Variants in AP1M1 observed in about 807,000 individuals in gnomAD.
The protein encoded by AP1M1 is adaptor related protein complex 1 subunit mu 1, also known as AP-1 complex subunit mu-1.
In AP1M1, 18 loss-of-function variants were observed where a neutral mutation model predicts 57.1. That is an observed-to-expected ratio of 0.32 (90% confidence interval 0.22 to 0.47). AP1M1 has a LOEUF of 0.47. AP1M1 is among the 20% of genes least tolerant of loss of function. AP1M1 has a pLI of 1.00. For synonymous variants in AP1M1, 241 were observed against 237.9 expected, an observed-to-expected ratio of 1.01 and a Z score of -0.12; for missense variants, 362 against 593.5, an observed-to-expected ratio of 0.61 and a Z score of 4.05.
In AP1M1 at chr19:16,244,772, G is replaced by A. The variant is rs1251137014; in HGVS notation, c.*10337G>A. 3.9e-5 allele frequency: 6 copies of A among 151,982 alleles called. No homozygotes were observed. The highest frequency in any genetic ancestry group is 1.5e-4 in the African/African-American group (6 of 41,328). The allele number at this position is 151,982 out of a possible 1,614,324, so 9.4% of individuals were successfully genotyped here. ...GTGAACCCGGGAAGCGGAGCTTGCA[G>A]TGAGCCGAGATTGCGCCACTGCAGT... is the stretch of plus-strand genomic sequence containing the variant. On this transcript the variant is annotated 3_prime_UTR_variant, in exon 12 of 12. Coordinates refer to ENST00000291439, the MANE Select transcript of AP1M1 (RefSeq NM_032493.4).
At chr19:16,219,955 T>C (rs2091536157) in intron 5 of AP1M1, among the ~76,000 whole-genome samples, 1 of 149,274 alleles carries the variant, frequency 6.7e-6, no homozygotes, top group Non-Finnish European at 1.5e-5. Flanking sequence ...GGATTTCCTT[T>C]GCTGGTATTT....
chr19:16,239,901 G>A lies in AP1M1; in HGVS notation c.*5466G>A, dbSNP rs1342879691. On this transcript the variant is annotated 3_prime_UTR_variant, in exon 12 of 12. Transcript: ENST00000291439. ...AGGCAGTTACCCGGGACATAGCACA[G>A]CTAATGAGACATATATATATTTACA... 6.6e-6 allele frequency: 1 copy of A among 152,122 alleles called. No homozygotes were observed. The highest frequency in any genetic ancestry group is 1.5e-5 in the Non-Finnish European group (1 of 68,028). The allele number at this position is 152,122 out of a possible 1,614,324, so 9.4% of individuals were successfully genotyped here. A position where few individuals can be genotyped will look rare whatever the true frequency, so the allele number is the denominator to read the frequency against.
intron 9 of AP1M1, among the ~76,000 whole-genome samples, chr19:16,231,718 A>C (rs2091599423): frequency 6.6e-6 from 1 of 152,206 alleles, no homozygotes; most frequent in Admixed American, 6.5e-5. Context: ...TGCCTGGCCT[A>C]TTGTGAATAA....
In AP1M1 at chr19:16,228,808, C is replaced by T. The variant is rs1243114454; in HGVS notation, c.927C>T (p.Asn309=). The T allele has an allele frequency of 2.5e-6, 4 of 1,614,040 alleles. No homozygotes were observed. The highest frequency in any genetic ancestry group is 2.2e-5 in the South Asian group (2 of 91,088). Residue 309 remains asparagine (N), a synonymous_variant, in exon 9 of 12, where the codon AAC becomes AAT. Coordinates refer to ENST00000291439, the MANE Select transcript of AP1M1 (RefSeq NM_032493.4). This position sits in a 1 kb window ranked among gnomAD's most constrained non-coding sequence, Gnocchi z 5.0. ...SQFKRRSTAN[N]VEIHIPVPND... Reference sequence around the variant, plus strand: ...TCAAGCGGCGGTCAACAGCCAACAACGTGGAGATCCACATTCCCGTGCCCA... The same window carrying T: ...TCAAGCGGCGGTCAACAGCCAACAATGTGGAGATCCACATTCCCGTGCCCA...
At chr19:16,232,837 G>A (rs954230580) in intron 9 of AP1M1, among the ~76,000 whole-genome samples, 5 of 152,206 alleles carry the variant, frequency 3.3e-5, no homozygotes, top group African/African-American at 9.7e-5. Context: ...GGCGCTGGGG[G>A]TGACCAGGCT....
intron 9 of AP1M1, among the ~76,000 whole-genome samples, chr19:16,230,648 C>T (rs1943621806): frequency 6.6e-6 from 1 of 152,160 alleles, no homozygotes; most frequent in Admixed American, 6.6e-5. Context: ...ATCCGCCTGA[C>T]TCAGCCTCCC....
In AP1M1 at chr19:16,228,002, G is replaced by A; in HGVS notation, c.817-135G>A. 1 of 960,350 alleles carries A rather than the reference G, an allele frequency of 1.0e-6. No individual in the cohort carries two copies. The highest frequency in any genetic ancestry group is 1.6e-6 in the Non-Finnish European group (1 of 630,306). 59.5% of individuals were successfully genotyped at this position (960,350 alleles called of 1,614,324 possible). On this transcript the variant is annotated intron_variant, in intron 7 of 11. Transcript: ENST00000291439. The surrounding 1 kb of genome is among the most constrained non-coding windows in gnomAD (Gnocchi z 5.0). ...TCTGCCCTGGCCCTCCCTGACGCTG[G>A]CTGTACGCTCCCTGCAGGGCTCTGG... is the stretch of plus-strand genomic sequence containing the variant.
At chr19:16,226,773 C>A in intron 6 of AP1M1, 1 of 540,508 alleles carries the variant, frequency 1.9e-6, no homozygotes, top group Non-Finnish European at 3.1e-6. Context: ...AGGCCCCCGT[C>A]ACCCGGCCTC....
At chr19:16,221,924 G>A (rs971721772) in intron 5 of AP1M1, among the ~76,000 whole-genome samples, 1 of 152,064 alleles carries the variant, frequency 6.6e-6, no homozygotes, top group Non-Finnish European at 1.5e-5. Context: ...AACCTCAGGT[G>A]ATCCACCTGC....
chr19:16,199,474 T>G (rs923453208), intron 1 of AP1M1, among the ~76,000 whole-genome samples: 7 of 152,164 alleles, frequency 4.6e-5, no homozygotes, highest in Admixed American at 1.3e-4. Context: ...GGTCCAACAA[T>G]GTGAAGCCCA....
intron 5 of AP1M1, among the ~76,000 whole-genome samples, chr19:16,213,602 C>T (rs566658301): frequency 6.6e-6 from 1 of 152,192 alleles, no homozygotes; most frequent in East Asian, 1.9e-4. Flanking sequence ...TCAAGCAATT[C>T]TCCTGCCTCA....
chr19:16,226,875 C>T (rs1191393122), intron 6 of AP1M1: 1 of 228,718 alleles, frequency 4.4e-6, no homozygotes. Flanking sequence ...CAGGTTTCTC[C>T]CCTCACCTTG....
chr19:16,201,781 G>A (rs2091448696), intron 1 of AP1M1, among the ~76,000 whole-genome samples: 1 of 152,180 alleles, frequency 6.6e-6, no homozygotes, highest in Admixed American at 6.5e-5. Context: ...CCCGAGGTGG[G>A]AACAGATGTG....
chr19:16,209,539 A>C (rs182845084), intron 5 of AP1M1, among the ~76,000 whole-genome samples: 1 of 152,286 alleles, frequency 6.6e-6, no homozygotes, highest in East Asian at 1.9e-4. Flanking sequence ...CTGAGAATCC[A>C]TACATGCACA....
At chr19:16,211,241 A>G (rs2091492119) in intron 5 of AP1M1, among the ~76,000 whole-genome samples, 1 of 151,874 alleles carries the variant, frequency 6.6e-6, no homozygotes, top group Admixed American at 6.6e-5. Flanking sequence ...TTACAGACGC[A>G]TGCCACCATG....
chr19:16,206,930 G>A lies in AP1M1; in HGVS notation c.267+522G>A, dbSNP rs2091471888. 6.6e-6 allele frequency among the ~76,000 whole-genome samples: 1 copy of A among 152,242 alleles called. No homozygotes were observed. Among genetic ancestry groups the A allele is most frequent in the Non-Finnish European group, 1.5e-5 (1 of 68,044 alleles). On this transcript the variant is annotated intron_variant, in intron 3 of 11. Coordinates refer to ENST00000291439, the MANE Select transcript of AP1M1 (RefSeq NM_032493.4). The surrounding 1 kb of genome is among the most constrained non-coding windows in gnomAD (Gnocchi z 4.3). ...CAGCTAGGGAGGCCAGCGTGCGTGTGGCAGAGTATGAGGCTGAGGTCAGCT... is the reference window on the plus strand; with the variant it reads ...CAGCTAGGGAGGCCAGCGTGCGTGTAGCAGAGTATGAGGCTGAGGTCAGCT...
rs1337836468 is a variant in AP1M1, at chr19:16,242,767, T to G, written c.*8332T>G. 1 of 152,194 alleles carries G rather than the reference T, an allele frequency of 6.6e-6. No individual in the cohort carries two copies. The highest frequency in any genetic ancestry group is 2.4e-5 in the African/African-American group (1 of 41,442). 9.4% of individuals were successfully genotyped at this position (152,194 alleles called of 1,614,324 possible). On this transcript the variant is annotated 3_prime_UTR_variant, in exon 12 of 12. Coordinates refer to ENST00000291439, the MANE Select transcript of AP1M1 (RefSeq NM_032493.4). ...TTATTTATTTATTCATTCATTTAAT[T>G]TTTTGAGATGGAGTCTCGCTCTGTC...
Position 16,206,714 on chromosome 19 carries a change from G to C in AP1M1, c.267+306G>C, listed in dbSNP as rs1297714216. ...AGCGAGCTTTGGAAGGATGTGGGGT[G>C]ACCAGCTGGATGGGGCTGGAATAAC... On this transcript the variant is annotated intron_variant, in intron 3 of 11. Coordinates refer to ENST00000291439, the MANE Select transcript of AP1M1 (RefSeq NM_032493.4). This position sits in a 1 kb window ranked among gnomAD's most constrained non-coding sequence, Gnocchi z 4.3. 6.6e-6 allele frequency among the ~76,000 whole-genome samples: 1 copy of C among 152,328 alleles called. No individual in the cohort carries two copies. Among genetic ancestry groups the C allele is most frequent in the East Asian group, 1.9e-4 (1 of 5,182 alleles).
At chr19:16,199,293 A>G (rs1032264623) in intron 1 of AP1M1, among the ~76,000 whole-genome samples, 2 of 152,208 alleles carry the variant, frequency 1.3e-5, no homozygotes, top group Non-Finnish European at 2.9e-5. Flanking sequence ...CAGAGACACC[A>G]GGGAGCTGGA....
Sources: allele counts gnomAD v4.1 joint callset (sites outside exome capture counted in the v4.1 genomes callset), GRCh38; gene constraint gnomAD v4.1.1; non-coding constraint Gnocchi (gnomAD v3.1); transcripts MANE v1.5; gene names NCBI Gene and HGNC (gene_info 2026-07-23, HGNC 2026-07-21).